Variants in ATP8A2 observed in about 807,000 individuals in gnomAD.
The protein encoded by ATP8A2 is phospholipid-transporting ATPase IB.
A neutral mutation model predicts 165.6 loss-of-function variants in ATP8A2; 100 were observed. That is an observed-to-expected ratio of 0.60 (90% confidence interval 0.51 to 0.71). The LOEUF is 0.71. Among genes scored for constraint, ATP8A2 ranks in the 30% least tolerant of loss-of-function variants. The pLI, the probability that ATP8A2 is intolerant of heterozygous loss-of-function variation, is 0.00. For missense variants in ATP8A2, 1,227 were observed against 1,479.5 expected (o/e 0.83, Z 2.80); for synonymous variants, 543 against 548.8 (o/e 0.99, Z 0.15).
chr13:25,476,581 C>T (rs1458646690), intron 2 of ATP8A2, among the ~76,000 whole-genome samples: 4 of 152,144 alleles, frequency 2.6e-5, no homozygotes, highest in Admixed American at 6.5e-5. Context: ...TGAGCCATGA[C>T]GCCTGACAGA....
intron 34 of ATP8A2, among the ~76,000 whole-genome samples, chr13:25,964,796 A>C (rs1056054135): frequency 6.6e-6 from 1 of 152,182 alleles, no homozygotes; most frequent in Non-Finnish European, 1.5e-5. Flanking sequence ...CGGGCCTCTC[A>C]TCTTGCCTTG....
intron 33 of ATP8A2, among the ~76,000 whole-genome samples, chr13:25,892,864 T>C (rs1953420169): frequency 6.6e-6 from 1 of 150,904 alleles, no homozygotes; most frequent in Non-Finnish European, 1.5e-5. Context: ...TGATAGAAAA[T>C]ATTCTTCAAA....
chr13:25,615,714 A>G (rs1340383722), intron 24 of ATP8A2, among the ~76,000 whole-genome samples: 3 of 152,202 alleles, frequency 2.0e-5, no homozygotes, highest in African/African-American at 7.2e-5. Flanking sequence ...GAGATCCCAC[A>G]GGACTCTTCC....
At chr13:25,613,711 G>A (rs950167305) in intron 24 of ATP8A2, among the ~76,000 whole-genome samples, 1 of 152,174 alleles carries the variant, frequency 6.6e-6, no homozygotes, top group African/African-American at 2.4e-5. Context: ...AGTTTCTCTG[G>A]ATACAAAATT....
At chr13:25,748,292 G>A (rs1266654063) in intron 25 of ATP8A2, among the ~76,000 whole-genome samples, 1 of 152,186 alleles carries the variant, frequency 6.6e-6, no homozygotes, top group African/African-American at 2.4e-5. Context: ...ATTGGTCAGA[G>A]TTCTGCCAAA....
At chr13:25,744,856 G>A (rs2043994673) in intron 25 of ATP8A2, among the ~76,000 whole-genome samples, 2 of 152,194 alleles carry the variant, frequency 1.3e-5, no homozygotes, top group South Asian at 4.1e-4. Flanking sequence ...TGTATTTTCC[G>A]AGAATGTTTT....
intron 33 of ATP8A2, among the ~76,000 whole-genome samples, chr13:25,951,911 G>A (rs1022150725): frequency 9.9e-5 from 15 of 152,102 alleles, no homozygotes; most frequent in East Asian, 5.8e-4. Flanking sequence ...AATCTCACCC[G>A]CCATCAGTTG....
At chr13:25,749,711 A>G (rs1593290631) in intron 25 of ATP8A2, among the ~76,000 whole-genome samples, 2 of 152,278 alleles carry the variant, frequency 1.3e-5, no homozygotes, top group Middle Eastern at 6.8e-3. Flanking sequence ...CGGTGTAGAC[A>G]GGCAGCAGCC....
chr13:25,884,508 G>A (rs990583533), intron 33 of ATP8A2, among the ~76,000 whole-genome samples: 1 of 152,136 alleles, frequency 6.6e-6, no homozygotes, highest in Non-Finnish European at 1.5e-5. Flanking sequence ...GCTGCAGAAG[G>A]AGGCAAGAGA....
intron 2 of ATP8A2, among the ~76,000 whole-genome samples, chr13:25,514,076 T>G (rs996077517): frequency 1.3e-5 from 2 of 152,158 alleles, no homozygotes; most frequent in Non-Finnish European, 2.9e-5. Flanking sequence ...ATTAAGTCTC[T>G]TTTATTTTGC....
chr13:25,378,667 C>T (rs1435615346), intron 1 of ATP8A2, among the ~76,000 whole-genome samples: 2 of 152,094 alleles, frequency 1.3e-5, no homozygotes, highest in African/African-American at 2.4e-5. Context: ...GGGTGAATAG[C>T]TACAGGGTTC....
At chr13:25,705,284 T>C (rs1020862676) in intron 25 of ATP8A2, 29 of 303,844 alleles carry the variant, frequency 9.5e-5, no homozygotes, top group Non-Finnish European at 3.2e-5. Flanking sequence ...AAAAGAGTCA[T>C]GAAAGAATCA....
chr13:25,945,177 A>G (rs973128643), intron 33 of ATP8A2, among the ~76,000 whole-genome samples: 9 of 152,208 alleles, frequency 5.9e-5, no homozygotes, highest in South Asian at 2.1e-4. Context: ...GGAAGTCGGA[A>G]TGATTGCAGG....
In ATP8A2 at chr13:25,871,298, A is replaced by T. The variant is rs1329669176; in HGVS notation, c.3183+8890A>T. 10 of 273,306 alleles carry T rather than the reference A, an allele frequency of 3.7e-5. 1 individual carries two copies. Among genetic ancestry groups the T allele is most frequent in the South Asian group, 3.2e-4 (10 of 31,050 alleles). 16.9% of individuals were successfully genotyped at this position (273,306 alleles called of 1,614,324 possible). ...TTTTGAACTTTTCCTTTCTTGAAAC[A>T]TGTGGAAATGTGTATGTGGGCCACT... is the stretch of plus-strand genomic sequence containing the variant. On this transcript the variant is annotated intron_variant, in intron 33 of 36. Coordinates refer to ENST00000381655, the MANE Select transcript of ATP8A2 (RefSeq NM_016529.6).
chr13:25,713,220 T>A (rs967891930), intron 25 of ATP8A2, among the ~76,000 whole-genome samples: 3 of 152,224 alleles, frequency 2.0e-5, no homozygotes, highest in Non-Finnish European at 2.9e-5. Context: ...AATCGCATCT[T>A]CTATTTCTAA....
intron 28 of ATP8A2, among the ~76,000 whole-genome samples, chr13:25,832,257 A>G (rs1951498065): frequency 6.6e-6 from 1 of 152,130 alleles, no homozygotes; most frequent in African/African-American, 2.4e-5. Context: ...TTGTGGGTAG[A>G]ATGAGACTAA....
chr13:25,451,300 G>T (rs1200454513), intron 1 of ATP8A2, among the ~76,000 whole-genome samples: 1 of 152,048 alleles, frequency 6.6e-6, no homozygotes, highest in Non-Finnish European at 1.5e-5. Context: ...AAGACTGCAA[G>T]GTTTTTGTTT....
At chr13:25,712,814 A>T (rs1032961368) in intron 25 of ATP8A2, among the ~76,000 whole-genome samples, 2 of 152,066 alleles carry the variant, frequency 1.3e-5, no homozygotes, top group African/African-American at 4.8e-5. Context: ...GGTAGGGATG[A>T]TGGGTGGGGA....
chr13:25,781,166 G>A (rs1447278901), intron 27 of ATP8A2, among the ~76,000 whole-genome samples: 1 of 152,104 alleles, frequency 6.6e-6, no homozygotes, highest in Admixed American at 6.5e-5. Flanking sequence ...GGGAGGCTGA[G>A]GCAGGAGAAT....
Sources: gnomAD v4.1 joint callset for allele counts (sites outside exome capture counted in the v4.1 genomes callset) on GRCh38, gnomAD v4.1.1 for gene constraint, MANE v1.5 for transcripts, NCBI Gene and HGNC (gene_info 2026-07-23, HGNC 2026-07-21) for gene names.